MCF2L2: variants seen among roughly 807,000 people sequenced by gnomAD.
MCF2L2 encodes the protein probable guanine nucleotide exchange factor MCF2L2.
Under a neutral mutation model 150.2 loss-of-function variants are expected in MCF2L2, and 102 were observed. That is an observed-to-expected ratio of 0.68 (90% confidence interval 0.58 to 0.80). The LOEUF (loss-of-function observed/expected upper bound fraction) is 0.80. Among genes scored for constraint, MCF2L2 ranks in the 30% least tolerant of loss-of-function variants. MCF2L2 has a pLI of 0.00. For missense variants in MCF2L2, 1,256 were observed against 1,372.8 expected (o/e 0.91, Z 1.34); for synonymous variants, 465 against 491.3 (o/e 0.95, Z 0.71).
chr3:183,375,472 C>T (rs1410184193), intron 3 of MCF2L2: 1 of 152,122 alleles, frequency 6.6e-6, no homozygotes, highest in East Asian at 1.9e-4. Flanking sequence ...ACTTTGTTTA[C>T]ATATTTCACA....
At chr3:183,195,417 C>T (rs1357385399) in intron 25 of MCF2L2, among the ~76,000 whole-genome samples, 162 bp from the exon 26 acceptor site, 4 of 151,976 alleles carry the variant, frequency 2.6e-5, no homozygotes, top group African/African-American at 9.7e-5. Context: ...ATTCAGAAAA[C>T]GCTGCTACAG....
chr3:183,415,715 C>T (rs1307839791), intron 1 of MCF2L2, among the ~76,000 whole-genome samples: 2 of 152,096 alleles, frequency 1.3e-5, no homozygotes, highest in African/African-American at 2.4e-5. Context: ...TTGTATCATA[C>T]ATCTTTTCCC....
At position 183,287,126 on chromosome 3, in the gene MCF2L2, T is replaced by A. The variant is rs190515006; in HGVS notation, c.1776+1994A>T. Among the ~76,000 whole-genome samples, 239 of 152,014 alleles carry A rather than the reference T, an allele frequency of 1.6e-3. 1 individual carries two copies. Among genetic ancestry groups the A allele is most frequent in the Non-Finnish European group, 2.8e-3 (192 of 67,932 alleles). Reference sequence around the variant, plus strand: ...CCACACCTACAGGCCTCTGATTCTATCCCCACCGCTGCTCCTACACTGTCT... The same window carrying A: ...CCACACCTACAGGCCTCTGATTCTAACCCCACCGCTGCTCCTACACTGTCT... On this transcript the variant is annotated intron_variant, in intron 14 of 29. Coordinates refer to ENST00000328913, the MANE Select transcript of MCF2L2 (RefSeq NM_015078.4).
intron 19 of MCF2L2, 34 bp downstream of exon 19, chr3:183,224,064 T>C (rs758955100): frequency 2.6e-5 from 39 of 1,529,238 alleles, no homozygotes; most frequent in Non-Finnish European, 3.4e-5. Flanking sequence ...CATAGAAACA[T>C]TTTCCAGGAA....
At chr3:183,363,697 C>T (rs998600783) in intron 3 of MCF2L2, among the ~76,000 whole-genome samples, 6 of 151,962 alleles carry the variant, frequency 3.9e-5, no homozygotes, top group African/African-American at 1.2e-4. Flanking sequence ...GCCATGATTG[C>T]GCCACTTTTG....
At chr3:183,245,772 T>C (rs962397622) in intron 15 of MCF2L2, among the ~76,000 whole-genome samples, 5 of 152,224 alleles carry the variant, frequency 3.3e-5, no homozygotes, top group African/African-American at 1.2e-4. Context: ...AGGATCATAT[T>C]GAAACCAATG....
At position 183,300,063 on chromosome 3, in the gene MCF2L2, T is replaced by A; in HGVS notation, c.1247A>T (p.Asn416Ile). The A allele has an allele frequency of 1.2e-6, 2 of 1,613,876 alleles. No homozygotes were observed. Among genetic ancestry groups the A allele is most frequent in the Non-Finnish European group, 1.7e-6 (2 of 1,179,926 alleles). ...RHLCDDFING[N>I]KKKWDILGKS... ...TCCTAAAATGTCCCATTTTTTCTTG[T>A]TTCCATTGATGAAATCGTCACAGAG... The change falls in exon 11 of 30, where the codon AAC becomes ATC. Residue 416 changes from asparagine to isoleucine, a missense_variant. Coordinates refer to ENST00000328913, the MANE Select transcript of MCF2L2 (RefSeq NM_015078.4).
intron 18 of MCF2L2, 114 bp downstream of exon 18, chr3:183,228,183 G>A (rs772407955): frequency 4.8e-5 from 35 of 723,038 alleles, no homozygotes; most frequent in Admixed American, 1.4e-4. Flanking sequence ...GCTTGGAGTC[G>A]GAGGGAAGCA....
At chr3:183,343,041 A>G (rs1730763500) in intron 3 of MCF2L2, among the ~76,000 whole-genome samples, 2 of 152,206 alleles carry the variant, frequency 1.3e-5, no homozygotes, top group South Asian at 4.1e-4. Context: ...AAAGTGAAAT[A>G]AGGACATTTC....
chr3:183,211,138 GT>G (rs2108651328), intron 22 of MCF2L2, among the ~76,000 whole-genome samples: 1 of 152,314 alleles, frequency 6.6e-6, no homozygotes, highest in African/African-American at 2.4e-5. Flanking sequence ...CAGTCAGTAG[GT>G]GGTAAGAGGG....
rs1722125916 is a variant in MCF2L2, at chr3:183,197,798, G to T, written c.2885-2543C>A. On this transcript the variant is annotated intron_variant, in intron 25 of 29. Transcript: ENST00000328913. The surrounding 1 kb of genome is among the most constrained non-coding windows in gnomAD (Gnocchi z 4.5). ...AGATTTGAACAGACACTTCACCAAA[G>T]AAGAGATAAAGATGGCAAAGAAGCA... Among the ~76,000 whole-genome samples the T allele has an allele frequency of 6.6e-6, 1 of 152,068 alleles. No individual in the cohort carries two copies. Among genetic ancestry groups the T allele is most frequent in the African/African-American group, 2.4e-5 (1 of 41,404 alleles).
chr3:183,231,528 C>G (rs1427471873), intron 15 of MCF2L2, among the ~76,000 whole-genome samples: 1 of 152,078 alleles, frequency 6.6e-6, no homozygotes, highest in Non-Finnish European at 1.5e-5. Flanking sequence ...GATCATGGCT[C>G]ACTGTAGCCT....
rs988345468 is a variant in MCF2L2 at position 183,323,314 on chromosome 3, T to C, written c.524A>G (p.Tyr175Cys). ...CCGGGTCAGTTGGCTTTTGTCGATG[T>C]AGCCGTGAAGGTCAGAGACAGAGTT... is the stretch of plus-strand genomic sequence containing the variant. ...MVNSVSDLHG[Y>C]IDKSQLTREL... The change falls in exon 6 of 30, where the codon TAC becomes TGC. Residue 175 changes from tyrosine (Y) to cysteine (C), a missense_variant. Transcript: ENST00000328913. 6.2e-7 allele frequency: 1 copy of C among 1,613,970 alleles called. No individual in the cohort carries two copies. The highest frequency in any genetic ancestry group is 1.7e-5 in the Admixed American group (1 of 60,018).
rs529434361 is a variant in MCF2L2 at position 183,223,543 on chromosome 3, C to T, written c.2209-105G>A. 5 of 776,760 alleles carry T rather than the reference C, an allele frequency of 6.4e-6. No individual in the cohort carries two copies. The South Asian group carries it at 7.6e-5, about 12-fold the overall frequency. 48.1% of individuals were successfully genotyped at this position (776,760 alleles called of 1,614,324 possible). The stretch of plus-strand genomic sequence containing the variant: ...ACACAAAATTGCTTTTCCTGGACAA[C>T]AGGGGCAGCTGTGTCGAGCAGCTCC... On this transcript the variant is annotated intron_variant, in intron 19 of 29. Coordinates refer to ENST00000328913, the MANE Select transcript of MCF2L2 (RefSeq NM_015078.4).
intron 3 of MCF2L2, chr3:183,378,455 G>A (rs974300034): frequency 6.6e-6 from 1 of 152,220 alleles, no homozygotes; most frequent in African/African-American, 2.4e-5. Context: ...GGCATAAAGA[G>A]TTGAGGCCCA....
At chr3:183,423,154 T>C (rs1289299888) in intron 1 of MCF2L2, among the ~76,000 whole-genome samples, 2 of 152,140 alleles carry the variant, frequency 1.3e-5, no homozygotes. Context: ...TGTCCAGCCA[T>C]CCCCACTGGG....
chr3:183,215,327 C>T (rs913496816), intron 22 of MCF2L2, among the ~76,000 whole-genome samples: 1 of 151,900 alleles, frequency 6.6e-6, no homozygotes, highest in East Asian at 1.9e-4. Flanking sequence ...AAGTAAAAAA[C>T]AAAACAAGTC....
chr3:183,413,317 A>G (rs1304776856), intron 1 of MCF2L2, among the ~76,000 whole-genome samples: 1 of 152,232 alleles, frequency 6.6e-6, no homozygotes, highest in Admixed American at 6.5e-5. Flanking sequence ...TGTATGTTAT[A>G]TGTATTATAA....
intron 18 of MCF2L2, chr3:183,225,504 A>G (rs1289244104): frequency 6.6e-6 from 1 of 152,266 alleles, no homozygotes; most frequent in Non-Finnish European, 1.5e-5. Context: ...TCAGGAGGCT[A>G]TAAAATTGCT....
Sources: allele counts gnomAD v4.1 joint callset (sites outside exome capture counted in the v4.1 genomes callset), GRCh38; gene constraint gnomAD v4.1.1; non-coding constraint Gnocchi (gnomAD v3.1); transcripts MANE v1.5; gene names NCBI Gene and HGNC (gene_info 2026-07-23, HGNC 2026-07-21).